Variants in TRAM1 observed in about 807,000 individuals in gnomAD.
TRAM1 encodes the protein translocating chain-associated membrane protein 1.
TRAM1 carries 17 observed loss-of-function variants against 48.7 expected under a neutral mutation model. The observed-to-expected ratio is 0.35, with a 90% CI of 0.24 to 0.52. The LOEUF is 0.52. Ranked by LOEUF, TRAM1 falls within the 20% of genes least tolerant of loss-of-function variation. The pLI is 0.94. For missense variants in TRAM1, 351 were observed against 441.5 expected (o/e 0.79, Z 1.84); for synonymous variants, 182 against 154.0 (o/e 1.18, Z -1.34).
intron 10 of TRAM1, among the ~76,000 whole-genome samples, chr8:70,580,768 T>C (rs1057511494): frequency 1.3e-5 from 2 of 151,986 alleles, no homozygotes; most frequent in African/African-American, 2.4e-5. Context: ...AAAAACCTAT[T>C]TGAATAAATA....
chr8:70,606,770 C>CTTTT, intron 1 of TRAM1: 1 of 431,384 alleles, frequency 2.3e-6, no homozygotes, highest in African/African-American at 2.1e-5. Flanking sequence ...GTATCTAGAT[C>CTTTT]CAGAAAAGCC....
At chr8:70,599,117 G>C (rs1348084653) in intron 2 of TRAM1, among the ~76,000 whole-genome samples, 1 of 152,058 alleles carries the variant, frequency 6.6e-6, no homozygotes, top group Admixed American at 6.5e-5. Context: ...AATTAGCTGG[G>C]CGTGGTGGTG....
chr8:70,607,634 G>GTGAGCGTCAGCCCCGCGA, intron 1 of TRAM1: 1 of 304,964 alleles, frequency 3.3e-6, no homozygotes, highest in Non-Finnish European at 4.8e-6. Flanking sequence ...GGCCCTCGCG[G>GTGAGCGTCAGCCCCGCGA]GGCTGACGCT....
rs1451490249 is a variant in TRAM1, at chr8:70,597,887, A to G, written c.426+8T>C. ...AAGGAGAACAACAACCTAAGAGGACATACTTACAGAGATGAGAATGAATGT... is the reference window on the plus strand; with the variant it reads ...AAGGAGAACAACAACCTAAGAGGACGTACTTACAGAGATGAGAATGAATGT... On this transcript the variant is annotated splice_region_variant and intron_variant, in intron 4 of 10. Transcript: ENST00000262213. 3.2e-6 allele frequency: 5 copies of G among 1,575,540 alleles called. No individual in the cohort carries two copies. Among genetic ancestry groups the G allele is most frequent in the East Asian group, 2.3e-5 (1 of 43,892 alleles).
Position 70,608,264 on chromosome 8 carries a change from G to T in TRAM1, c.-65C>A, listed in dbSNP as rs768876795. 78 of 1,488,524 alleles carry T rather than the reference G, an allele frequency of 5.2e-5. No individual in the cohort carries two copies. The highest frequency in any genetic ancestry group is 5.9e-5 in the Non-Finnish European group (66 of 1,122,934). 92.2% of individuals were successfully genotyped at this position (1,488,524 alleles called of 1,614,324 possible). ...GTTCTGCTCTTCCCAGCTGCTCACC[G>T]ACTCGCCGCCGCCTCCCGCTGGCTG... On this transcript the variant is annotated 5_prime_UTR_variant, in exon 1 of 11. Coordinates refer to ENST00000262213, the MANE Select transcript of TRAM1 (RefSeq NM_014294.6).
chr8:70,578,263 G>A (rs758574009), intron 10 of TRAM1, among the ~76,000 whole-genome samples: 6 of 152,174 alleles, frequency 3.9e-5, no homozygotes, highest in Non-Finnish European at 8.8e-5. Flanking sequence ...CATGCACCAC[G>A]ATGCCTGGTT....
chr8:70,581,401 C>T (rs1817070537), intron 10 of TRAM1, among the ~76,000 whole-genome samples: 1 of 152,148 alleles, frequency 6.6e-6, no homozygotes, highest in South Asian at 2.1e-4. Flanking sequence ...ATTCATGATC[C>T]AGAAATAAAC....
intron 8 of TRAM1, among the ~76,000 whole-genome samples, chr8:70,585,925 G>A (rs1162189014): frequency 4.7e-5 from 7 of 149,672 alleles, no homozygotes; most frequent in East Asian, 2.0e-4. Context: ...ATTACTGGGT[G>A]TATACCCAAA....
intron 10 of TRAM1, among the ~76,000 whole-genome samples, chr8:70,577,599 A>G (rs1816985838): frequency 6.6e-6 from 1 of 152,156 alleles, no homozygotes. Flanking sequence ...TGCATACCTC[A>G]TTCTTCCTGG....
chr8:70,579,883 A>C (rs973900262), intron 10 of TRAM1, among the ~76,000 whole-genome samples: 2 of 152,350 alleles, frequency 1.3e-5, no homozygotes, highest in African/African-American at 4.8e-5. Flanking sequence ...TAGACGCTGT[A>C]ACTGTATATT....
Position 70,583,747 on chromosome 8 carries a change from A to G in TRAM1, c.793T>C (p.Leu265=), listed in dbSNP as rs945606366. The part of the protein sequence containing the change: ...VLFVLGRLLT[L]ILSVLTVGFG... ...CCAACAGTCAGTACTGAAAGAATTAAAGTCAGAAGTCTTCCCAAAACAAAA... is the reference window on the plus strand; with the variant it reads ...CCAACAGTCAGTACTGAAAGAATTAGAGTCAGAAGTCTTCCCAAAACAAAA... The change falls in exon 9 of 11, where the codon TTA becomes CTA. Residue 265 remains leucine, a synonymous_variant. Coordinates refer to ENST00000262213, the MANE Select transcript of TRAM1 (RefSeq NM_014294.6). The G allele has an allele frequency of 1.5e-5, 24 of 1,591,688 alleles. No individual in the cohort carries two copies. The highest frequency in any genetic ancestry group is 1.9e-5 in the Non-Finnish European group (22 of 1,172,742).
chr8:70,586,404 C>T (rs1265889025), intron 8 of TRAM1, among the ~76,000 whole-genome samples: 1 of 151,682 alleles, frequency 6.6e-6, no homozygotes, highest in Non-Finnish European at 1.5e-5. Context: ...CACATGTACC[C>T]TAAAACTTAA....
At chr8:70,575,613 T>A (rs754519084) in intron 10 of TRAM1, among the ~76,000 whole-genome samples, 13 of 152,084 alleles carry the variant, frequency 8.5e-5, no homozygotes, top group Non-Finnish European at 1.6e-4. Context: ...CTTCAAGCTA[T>A]GATGGAGTAG....
At chr8:70,607,642 G>A (rs1817774203) in intron 1 of TRAM1, 3 of 267,376 alleles carry the variant, frequency 1.1e-5, no homozygotes, top group African/African-American at 2.3e-5. Context: ...CGGGGCTGAC[G>A]CTCACCGCGG....
rs755090830 is a variant in TRAM1 at position 70,608,209 on chromosome 8, G to GC, written c.-11dup. 8.8e-6 allele frequency: 14 copies of GC among 1,582,312 alleles called. No individual in the cohort carries two copies. In the African/African-American group the frequency reaches 1.9e-4, roughly 22 times the overall value. The stretch of plus-strand genomic sequence containing the variant: ...TCTTGCGAATCGCCATGGTGGGGCC[G>GC]CCGCCCGCGCCTGCAGGTGCTCCGC... On this transcript the variant is annotated 5_prime_UTR_variant, in exon 1 of 11. Coordinates refer to ENST00000262213, the MANE Select transcript of TRAM1 (RefSeq NM_014294.6).
intron 10 of TRAM1, among the ~76,000 whole-genome samples, chr8:70,579,603 C>A (rs894559985): frequency 1.3e-5 from 2 of 152,096 alleles, no homozygotes; most frequent in Admixed American, 1.3e-4. Flanking sequence ...CAATTCACAA[C>A]ATTAATAGAG....
Position 70,598,173 on chromosome 8 carries a change from C to T in TRAM1, c.270G>A (p.Ala90=), listed in dbSNP as rs772441248. 24 of 1,612,680 alleles carry T rather than the reference C, an allele frequency of 1.5e-5. No individual in the cohort carries two copies. The East Asian group carries it at 2.0e-4, about 14-fold the overall frequency. Residue 90 remains alanine, a synonymous_variant, in exon 3 of 11, where the codon GCG becomes GCA. Transcript: ENST00000262213. The part of the protein sequence containing the change: ...LATVFFYMLV[A]IIIHAVIQEY... The stretch of plus-strand genomic sequence containing the variant: ...CTTGAATTACGGCATGAATAATTAT[C>T]GCCACTAGCATGTAGAAGAAAACAG...
chr8:70,607,937 C>T (rs1563394054), intron 1 of TRAM1, 140 bp downstream of exon 1: 1 of 1,078,480 alleles, frequency 9.3e-7, no homozygotes, highest in Admixed American at 4.1e-5. Context: ...GGAAGGCCTG[C>T]ACCTCAGGGA....
intron 10 of TRAM1, among the ~76,000 whole-genome samples, chr8:70,576,876 T>C (rs1209956834): frequency 1.3e-5 from 2 of 152,152 alleles, no homozygotes; most frequent in Non-Finnish European, 2.9e-5. Context: ...TCTGCAGGCT[T>C]GGAAGTGCCT....
Sources: gnomAD v4.1 joint callset for allele counts (sites outside exome capture counted in the v4.1 genomes callset) on GRCh38, gnomAD v4.1.1 for gene constraint, MANE v1.5 for transcripts, NCBI Gene and HGNC (gene_info 2026-07-23, HGNC 2026-07-21) for gene names.